ZNF462: variants seen among roughly 807,000 people sequenced by gnomAD.
ZNF462 encodes zinc finger protein 462, also known as zinc finger PBX1-interacting protein.
In ZNF462, 10 loss-of-function variants were observed where a neutral mutation model predicts 201.9. That is an observed-to-expected ratio of 0.05 (90% CI 0.03 to 0.08). The LOEUF (loss-of-function observed/expected upper bound fraction) is 0.08, where lower values mean the gene tolerates loss of function less well. ZNF462 is among the 10% of genes least tolerant of loss of function. The pLI is 1.00. For synonymous variants in ZNF462, 1,227 were observed against 1,193.3 expected, an observed-to-expected ratio of 1.03 and a Z score of -0.58; for missense variants, 2,523 against 3,168.3, an observed-to-expected ratio of 0.80 and a Z score of 4.89.
intron 10 of ZNF462, among the ~76,000 whole-genome samples, chr9:107,002,180 C>T (rs1034962680): frequency 6.6e-6 from 1 of 152,164 alleles, no homozygotes; most frequent in African/African-American, 2.4e-5. Flanking sequence ...CTAGCTGTGT[C>T]CTCATCATCT....
Position 106,928,599 on chromosome 9 carries a change from G to T in ZNF462, c.4687G>T (p.Val1563Leu). ...EQSADISQND[V>L]EETSRIFKQG... ...GTCTGCTGACATATCCCAGAATGAC[G>T]TGGAGGAGACGAGCAGGATCTTCAA... Residue 1563 changes from valine to leucine, a missense_variant, in exon 3 of 13, where the codon GTG (valine) becomes TTG (leucine). Coordinates refer to ENST00000277225, the MANE Select transcript of ZNF462 (RefSeq NM_021224.6). The surrounding 1 kb of genome is among the most constrained non-coding windows in gnomAD (Gnocchi z 9.3). 1 of 1,614,104 alleles carries T rather than the reference G, an allele frequency of 6.2e-7. No individual in the cohort carries two copies. The highest frequency in any genetic ancestry group is 1.1e-5 in the South Asian group (1 of 91,084).
intron 7 of ZNF462, among the ~76,000 whole-genome samples, chr9:106,952,530 G>A (rs1011241364): frequency 2.6e-5 from 4 of 152,140 alleles, no homozygotes; most frequent in African/African-American, 9.7e-5. Context: ...TTCAGTGTTT[G>A]GAAGGTGGTG....
Position 106,919,157 on chromosome 9 carries a change from G to C in ZNF462, c.-30-4197G>C, listed in dbSNP as rs892382981. Among the ~76,000 whole-genome samples, 17 of 152,362 alleles carry C rather than the reference G, an allele frequency of 1.1e-4. No individual in the cohort carries two copies. Among genetic ancestry groups the C allele is most frequent in the African/African-American group, 3.6e-4 (15 of 41,596 alleles). ...CCTTTTAATTTGATCACTTCCTGAA[G>C]AGAGCTGGGATTTTGACTTGAGGAC... On this transcript the variant is annotated intron_variant, in intron 1 of 12. Coordinates refer to ENST00000277225, the MANE Select transcript of ZNF462 (RefSeq NM_021224.6). This position sits in a 1 kb window ranked among gnomAD's most constrained non-coding sequence, Gnocchi z 4.5.
rs186756377 is a variant in ZNF462, at chr9:106,905,007, A to G, written c.-30-18347A>G. 3.3e-5 allele frequency among the ~76,000 whole-genome samples: 5 copies of G among 152,118 alleles called. No individual in the cohort carries two copies. In the East Asian group the frequency reaches 9.7e-4, roughly 29 times the overall value. ...GGGTGTTGAAGAGCCTTGTTTTGTC[A>G]TATTACCAGGGTTGGTTTTCTGGTT... On this transcript the variant is annotated intron_variant, in intron 1 of 12. Coordinates refer to ENST00000277225, the MANE Select transcript of ZNF462 (RefSeq NM_021224.6). This position sits in a 1 kb window ranked among gnomAD's most constrained non-coding sequence, Gnocchi z 5.9.
intron 1 of ZNF462, among the ~76,000 whole-genome samples, chr9:106,869,507 G>A (rs1448325940): frequency 1.3e-5 from 2 of 152,230 alleles, no homozygotes; most frequent in African/African-American, 2.4e-5. Context: ...GAAGAGTGAT[G>A]TTTGGAAGTT....
chr9:106,905,536 A>G lies in ZNF462; in HGVS notation c.-30-17818A>G, dbSNP rs972453610. Among the ~76,000 whole-genome samples the G allele has an allele frequency of 3.3e-5, 5 of 152,124 alleles. No homozygotes were observed. Among genetic ancestry groups the G allele is most frequent in the African/African-American group, 9.7e-5 (4 of 41,436 alleles). ...CTACTAGGGTGGGTAGGGAAGGACC[A>G]TCAGGTAGGGTGGGGAGAGATGTGT... On this transcript the variant is annotated intron_variant, in intron 1 of 12. Transcript: ENST00000277225. The surrounding 1 kb of genome is among the most constrained non-coding windows in gnomAD (Gnocchi z 5.9).
At chr9:106,989,628 G>T (rs1329867585) in intron 10 of ZNF462, among the ~76,000 whole-genome samples, 1 of 151,926 alleles carries the variant, frequency 6.6e-6, no homozygotes. Context: ...AATCCTTTGA[G>T]TACCAATTCT....
chr9:106,929,873 C>A lies in ZNF462; in HGVS notation c.5847+114C>A. ...CAGGCTTCCTAGTGACTTAGCTTGC[C>A]AGAGAGCTCAATAAGTCAATTAAAC... On this transcript the variant is annotated intron_variant, in intron 3 of 12. Coordinates refer to ENST00000277225, the MANE Select transcript of ZNF462 (RefSeq NM_021224.6). The surrounding 1 kb of genome is among the most constrained non-coding windows in gnomAD (Gnocchi z 8.7). 1 of 910,596 alleles carries A rather than the reference C, an allele frequency of 1.1e-6. No homozygotes were observed. The highest frequency in any genetic ancestry group is 1.7e-5 in the South Asian group (1 of 58,980). The allele number at this position is 910,596 out of a possible 1,614,324, so 56.4% of individuals were successfully genotyped here.
chr9:106,886,325 G>A lies in ZNF462; in HGVS notation c.-31+22970G>A, dbSNP rs574094247. On this transcript the variant is annotated intron_variant, in intron 1 of 12. Coordinates refer to ENST00000277225, the MANE Select transcript of ZNF462 (RefSeq NM_021224.6). The surrounding 1 kb of genome is among the most constrained non-coding windows in gnomAD (Gnocchi z 4.6). ...CCAAAATTATTTTAAAGTTTGAAGT[G>A]TCTTTCTGTTAGCTGTGTGAATGTG... 7.9e-5 allele frequency among the ~76,000 whole-genome samples: 12 copies of A among 152,286 alleles called. No homozygotes were observed. The highest frequency in any genetic ancestry group is 1.8e-4 in the Non-Finnish European group (12 of 68,026).
Position 106,902,619 on chromosome 9 carries a change from A to C in ZNF462, c.-30-20735A>C, listed in dbSNP as rs982664172. Among the ~76,000 whole-genome samples the C allele has an allele frequency of 6.6e-6, 1 of 152,058 alleles. No homozygotes were observed. The highest frequency in any genetic ancestry group is 1.5e-5 in the Non-Finnish European group (1 of 68,002). On this transcript the variant is annotated intron_variant, in intron 1 of 12. Transcript: ENST00000277225. The surrounding 1 kb of genome is among the most constrained non-coding windows in gnomAD (Gnocchi z 4.2). ...CTCACTGCTTGTTATTGGTCTGTTC[A>C]GGGTACCTAATTCTTCCTGATTTAA...
In ZNF462 at chr9:107,008,882, G is replaced by A. The variant is rs1829747516; in HGVS notation, c.7190-663G>A. On this transcript the variant is annotated intron_variant, in intron 11 of 12. Coordinates refer to ENST00000277225, the MANE Select transcript of ZNF462 (RefSeq NM_021224.6). This position sits in a 1 kb window ranked among gnomAD's most constrained non-coding sequence, Gnocchi z 4.8. ...GGGGTAGGTGCCAGGCAGCTGGCCA[G>A]GATCTCTCAATAGCAGGGGACATGT... 1.3e-5 allele frequency among the ~76,000 whole-genome samples: 2 copies of A among 152,200 alleles called. No individual in the cohort carries two copies. Among genetic ancestry groups the A allele is most frequent in the Admixed American group, 1.3e-4 (2 of 15,284 alleles).
chr9:106,925,978 C>A lies in ZNF462; in HGVS notation c.2066C>A (p.Pro689His). The change falls in exon 3 of 13, where the codon CCC becomes CAC. Residue 689 changes from proline (P) to histidine (H), a missense_variant. Pro to His is a moderately conservative substitution (Grantham distance 77). Around this residue, in one of 15 missense-constraint regions of ZNF462, gnomAD observed 383 missense variants for 453.4 expected, o/e 0.84. Coordinates refer to ENST00000277225, the MANE Select transcript of ZNF462 (RefSeq NM_021224.6). This position sits in a 1 kb window ranked among gnomAD's most constrained non-coding sequence, Gnocchi z 7.9. ...AATGACTTTCCTCTAGATTTGTCACCCGTGAAGAAGAGAACCAGGATTGAC... is the reference window on the plus strand; with the variant it reads ...AATGACTTTCCTCTAGATTTGTCACACGTGAAGAAGAGAACCAGGATTGAC... ...LANDFPLDLS[P>H]VKKRTRIDEI... The A allele has an allele frequency of 6.2e-7, 1 of 1,614,018 alleles. No individual in the cohort carries two copies. The highest frequency in any genetic ancestry group is 8.5e-7 in the Non-Finnish European group (1 of 1,180,012).
rs1358816334 is a variant in ZNF462 at position 106,917,024 on chromosome 9, G to T, written c.-30-6330G>T. ...CACGCTTCCTTTTCTACGGACAGGAGAGCTGGCAGACTGCCTATTGGCCTG... is the reference window on the plus strand; with the variant it reads ...CACGCTTCCTTTTCTACGGACAGGATAGCTGGCAGACTGCCTATTGGCCTG... On this transcript the variant is annotated intron_variant, in intron 1 of 12. Coordinates refer to ENST00000277225, the MANE Select transcript of ZNF462 (RefSeq NM_021224.6). This position sits in a 1 kb window ranked among gnomAD's most constrained non-coding sequence, Gnocchi z 4.5. Among the ~76,000 whole-genome samples the T allele has an allele frequency of 1.3e-5, 2 of 152,206 alleles. No individual in the cohort carries two copies. The highest frequency in any genetic ancestry group is 2.9e-5 in the Non-Finnish European group (2 of 68,038).
intron 1 of ZNF462, among the ~76,000 whole-genome samples, chr9:106,879,343 C>CA (rs1554693637): frequency 3.6e-4 from 42 of 116,506 alleles, no homozygotes; most frequent in African/African-American, 1.2e-3. Flanking sequence ...CCCCCCCCCC[C>CA]ACCCCCCACC....
At chr9:106,871,473 C>G (rs1054914074) in intron 1 of ZNF462, among the ~76,000 whole-genome samples, 2 of 152,138 alleles carry the variant, frequency 1.3e-5, no homozygotes, top group Non-Finnish European at 2.9e-5. Context: ...AATTGACTAG[C>G]CAAATTGAAG....
Position 106,895,303 on chromosome 9 carries a change from TAGAC to T in ZNF462, c.-30-28047_-30-28044del, listed in dbSNP as rs1283406580. On this transcript the variant is annotated intron_variant, in intron 1 of 12. Coordinates refer to ENST00000277225, the MANE Select transcript of ZNF462 (RefSeq NM_021224.6). The surrounding 1 kb of genome is among the most constrained non-coding windows in gnomAD (Gnocchi z 4.4). ...GGTCAGAAAGTGGTGACCTGGTTATTAGACAGAGTGCACCAAGCATTAGCTTCTG... is the reference window on the plus strand; with the variant it reads ...GGTCAGAAAGTGGTGACCTGGTTATTAGAGTGCACCAAGCATTAGCTTCTG... Among the ~76,000 whole-genome samples, 4 of 152,220 alleles carry T rather than the reference TAGAC, an allele frequency of 2.6e-5. No homozygotes were observed. Among genetic ancestry groups the T allele is most frequent in the Admixed American group, 6.5e-5 (1 of 15,284 alleles).
chr9:106,924,656 C>T lies in ZNF462; in HGVS notation c.744C>T (p.Cys248=). The part of the protein sequence containing the change: ...KSRGNFCCEW[C]SYQTPRRERW... ...GAGGCAACTTTTGTTGTGAGTGGTGCAGCTACCAGACCCCCCGCCGAGAAC... is the reference window on the plus strand; with the variant it reads ...GAGGCAACTTTTGTTGTGAGTGGTGTAGCTACCAGACCCCCCGCCGAGAAC... The change falls in exon 3 of 13, where the codon TGC becomes TGT. Residue 248 remains cysteine (C), a synonymous_variant. Coordinates refer to ENST00000277225, the MANE Select transcript of ZNF462 (RefSeq NM_021224.6). The surrounding 1 kb of genome is among the most constrained non-coding windows in gnomAD (Gnocchi z 6.2). 6.2e-7 allele frequency: 1 copy of T among 1,614,140 alleles called. No individual in the cohort carries two copies. Among genetic ancestry groups the T allele is most frequent in the Non-Finnish European group, 8.5e-7 (1 of 1,180,024 alleles).
chr9:106,956,448 A>G (rs1831578103), intron 7 of ZNF462, among the ~76,000 whole-genome samples: 1 of 152,178 alleles, frequency 6.6e-6, no homozygotes, highest in Non-Finnish European at 1.5e-5. Context: ...TTTATAGAGC[A>G]CAGAGTACAA....
chr9:106,987,587 G>A (rs1050675527), intron 10 of ZNF462, among the ~76,000 whole-genome samples: 26 of 152,086 alleles, frequency 1.7e-4, no homozygotes, highest in African/African-American at 6.0e-4. Flanking sequence ...TATAGATTGT[G>A]AAGATTTTCT....
Sources: gnomAD v4.1 joint callset for allele counts (sites outside exome capture counted in the v4.1 genomes callset) on GRCh38, gnomAD v4.1.1 for gene constraint, gnomAD v4.1.1 regional missense constraint, Gnocchi (gnomAD v3.1) non-coding constraint, MANE v1.5 for transcripts, NCBI Gene and HGNC (gene_info 2026-07-23, HGNC 2026-07-21) for gene names.